Variants in PXDNL observed in about 807,000 individuals in gnomAD.
The protein encoded by PXDNL is peroxidasin like.
In PXDNL, 145 loss-of-function variants were observed where a neutral mutation model predicts 150.8. The observed-to-expected ratio is 0.96, with a 90% confidence interval of 0.84 to 1.10. The LOEUF is 1.10. Ranked by LOEUF, PXDNL falls within the 50% of genes least tolerant of loss-of-function variation. The pLI, the probability that PXDNL is intolerant of heterozygous loss-of-function variation, is 0.00. For missense variants in PXDNL, 2,087 were observed against 1,873.9 expected (o/e 1.11, Z -2.10); for synonymous variants, 757 against 725.7 (o/e 1.04, Z -0.69).
intron 17 of PXDNL, among the ~76,000 whole-genome samples, chr8:51,401,760 G>A (rs963121021): frequency 6.6e-6 from 1 of 152,122 alleles, no homozygotes; most frequent in African/African-American, 2.4e-5. Context: ...TTCTCTCTTT[G>A]CTGTATCTTC....
intron 2 of PXDNL, among the ~76,000 whole-genome samples, chr8:51,599,630 TATAA>T (rs1448258267): frequency 6.8e-6 from 1 of 146,314 alleles, no homozygotes; most frequent in Non-Finnish European, 1.5e-5. Context: ...AATTATCTTA[TATAA>T]ATGATATCAT....
At chr8:51,421,971 G>T (rs1808966898) in intron 14 of PXDNL, among the ~76,000 whole-genome samples, 1 of 152,152 alleles carries the variant, frequency 6.6e-6, no homozygotes, top group Non-Finnish European at 1.5e-5. Flanking sequence ...CACAGCAGGA[G>T]GCGAGCAGCA....
intron 1 of PXDNL, among the ~76,000 whole-genome samples, chr8:51,744,288 A>G (rs200943884): frequency 1.1e-3 from 29 of 27,586 alleles, no homozygotes; most frequent in South Asian, 9.3e-3. Context: ...AAGGAAGGAA[A>G]GAAGGAAGAA....
intron 4 of PXDNL, among the ~76,000 whole-genome samples, chr8:51,527,519 C>T (rs756201415): frequency 3.3e-5 from 5 of 152,126 alleles, no homozygotes; most frequent in Non-Finnish European, 5.9e-5. Context: ...ATGAAGTATC[C>T]GATTTGTTCT....
At chr8:51,377,630 CG>C (rs1232513728) in intron 17 of PXDNL, among the ~76,000 whole-genome samples, 1 of 152,222 alleles carries the variant, frequency 6.6e-6, no homozygotes, top group East Asian at 1.9e-4. Context: ...CGGCACCACC[CG>C]TCCCAGGCAG....
At chr8:51,461,342 G>C (rs1810078506) in intron 8 of PXDNL, among the ~76,000 whole-genome samples, 1 of 152,352 alleles carries the variant, frequency 6.6e-6, no homozygotes, top group Admixed American at 6.5e-5. Context: ...CTTTCTGCTA[G>C]CCACAGCCTC....
intron 4 of PXDNL, among the ~76,000 whole-genome samples, chr8:51,503,724 C>G (rs1271261661): frequency 1.3e-5 from 2 of 152,154 alleles, no homozygotes; most frequent in African/African-American, 4.8e-5. Flanking sequence ...TTAAAGCAGG[C>G]AGGAAATTAT....
intron 1 of PXDNL, among the ~76,000 whole-genome samples, chr8:51,662,928 A>G (rs1402646827): frequency 6.6e-6 from 1 of 152,236 alleles, no homozygotes; most frequent in Non-Finnish European, 1.5e-5. Context: ...TACTACTTTT[A>G]TAAACTTGAA....
At chr8:51,688,433 A>G (rs1190940494) in intron 1 of PXDNL, among the ~76,000 whole-genome samples, 1 of 152,210 alleles carries the variant, frequency 6.6e-6, no homozygotes, top group Non-Finnish European at 1.5e-5. Context: ...CAGAACAGAA[A>G]GTGAGGTCAA....
chr8:51,764,323 C>T (rs555234808), intron 1 of PXDNL, among the ~76,000 whole-genome samples: 1 of 148,362 alleles, frequency 6.7e-6, no homozygotes, highest in Admixed American at 6.7e-5. Flanking sequence ...CAGCTTTGAA[C>T]TTTATGATTT....
chr8:51,411,602 C>A (rs552249409), intron 15 of PXDNL, among the ~76,000 whole-genome samples, 195 bp from the exon 16 acceptor site: 1 of 152,106 alleles, frequency 6.6e-6, no homozygotes, highest in Non-Finnish European at 1.5e-5. Flanking sequence ...AAATGTTAGT[C>A]CCAGTGCTGA....
At chr8:51,797,118 C>T (rs1213093580) in intron 1 of PXDNL, among the ~76,000 whole-genome samples, 2 of 152,092 alleles carry the variant, frequency 1.3e-5, no homozygotes, top group Non-Finnish European at 2.9e-5. Flanking sequence ...TGATAAAATT[C>T]AACACTGATT....
chr8:51,482,905 T>C (rs1375975818), intron 6 of PXDNL, among the ~76,000 whole-genome samples: 2 of 152,136 alleles, frequency 1.3e-5, no homozygotes, highest in Non-Finnish European at 2.9e-5. Flanking sequence ...CCAAGGCCCA[T>C]GATGGATACA....
rs80235645 is a variant in PXDNL at position 51,664,476 on chromosome 8, G to A, written c.165-9716C>T. On this transcript the variant is annotated intron_variant, in intron 1 of 22. Transcript: ENST00000356297. The stretch of plus-strand genomic sequence containing the variant: ...TTAAATGTGGCTCCTCCAAATGCCC[G>A]TGTGCCTGGGAAGACAGACTGGCAT... Among the ~76,000 whole-genome samples the A allele has an allele frequency of 6.0e-3, 907 of 152,144 alleles. 13 individuals carry two copies. The highest frequency in any genetic ancestry group is 0.02 in the African/African-American group (838 of 41,492).
chr8:51,409,606 G>A (rs771927800), intron 16 of PXDNL, 45 bp from the exon 17 acceptor site: 2 of 1,485,132 alleles, frequency 1.3e-6, no homozygotes, highest in Non-Finnish European at 1.8e-6. Context: ...GGGCCTGGGA[G>A]GGCGCGGGCA....
chr8:51,608,654 G>A (rs550974714), intron 2 of PXDNL, among the ~76,000 whole-genome samples: 8 of 149,084 alleles, frequency 5.4e-5, no homozygotes, highest in Non-Finnish European at 1.0e-4. Flanking sequence ...TGGCTAACAC[G>A]GTGAAACCCC....
intron 1 of PXDNL, among the ~76,000 whole-genome samples, chr8:51,706,251 T>A (rs991292138): frequency 5.9e-5 from 9 of 151,752 alleles, no homozygotes; most frequent in Non-Finnish European, 1.3e-4. Context: ...GTAGAAGAGG[T>A]GGAGGTTGCA....
chr8:51,475,045 C>G lies in PXDNL; in HGVS notation c.621G>C (p.Ala207=). ...GTCTCCTGGGATATTCGCAGGTAGCCGCAGCCTGGGTGTGGCCGTGTTGGG... is the reference window on the plus strand; with the variant it reads ...GTCTCCTGGGATATTCGCAGGTAGCGGCAGCCTGGGTGTGGCCGTGTTGGG... ...GFAQHGHTQA[A]ATCEYPRRLH... is the part of the protein sequence containing the mutation. The change falls in exon 7 of 23, where the codon GCG becomes GCC. Residue 207 remains alanine, a synonymous_variant. Transcript: ENST00000356297. 6.2e-7 allele frequency: 1 copy of G among 1,613,340 alleles called. No individual in the cohort carries two copies. The highest frequency in any genetic ancestry group is 8.5e-7 in the Non-Finnish European group (1 of 1,179,606).
At chr8:51,490,878 T>A (rs971523355) in intron 5 of PXDNL, among the ~76,000 whole-genome samples, 2 of 152,066 alleles carry the variant, frequency 1.3e-5, no homozygotes, top group Non-Finnish European at 2.9e-5. Flanking sequence ...TGATGGTTAA[T>A]ACTGAGTGTT....
Sources: gnomAD v4.1 joint callset for allele counts (sites outside exome capture counted in the v4.1 genomes callset) on GRCh38, gnomAD v4.1.1 for gene constraint, MANE v1.5 for transcripts, NCBI Gene and HGNC (gene_info 2026-07-23, HGNC 2026-07-21) for gene names.